The following SENP7 variants were observed in gnomAD, a reference collection of about 807,000 sequenced individuals.
The protein encoded by SENP7 is SUMO specific peptidase 7, also known as sentrin-specific protease 7.
A neutral mutation model predicts 141.2 loss-of-function variants in SENP7; 64 were observed. The observed-to-expected ratio is 0.45, with a 90% CI of 0.37 to 0.56. SENP7 has a LOEUF of 0.56. SENP7 is among the 20% of genes least tolerant of loss of function. SENP7 has a pLI of 0.00. For synonymous variants in SENP7, 382 were observed against 426.4 expected, an observed-to-expected ratio of 0.90 and a Z score of 1.28; for missense variants, 1,025 against 1,212.2, an observed-to-expected ratio of 0.85 and a Z score of 2.29.
At chr3:101,410,508 T>C (rs66862741) in intron 5 of SENP7, among the ~76,000 whole-genome samples, 60,374 of 151,986 alleles carry the variant, frequency 0.4, 12,509 homozygotes, top group Admixed American at 0.54. Context: ...ACTGCAAAAA[T>C]GTGGAACTAA....
intron 4 of SENP7, among the ~76,000 whole-genome samples, chr3:101,445,986 C>T (rs142002139): frequency 6.6e-6 from 1 of 152,260 alleles, no homozygotes; most frequent in Admixed American, 6.5e-5. Flanking sequence ...TGTCCCCACC[C>T]AAATCTCATG....
intron 6 of SENP7, among the ~76,000 whole-genome samples, chr3:101,382,827 C>T (rs2060541907): frequency 6.6e-6 from 1 of 152,080 alleles, no homozygotes; most frequent in African/African-American, 2.4e-5. Flanking sequence ...GAATTAAACA[C>T]TAACATATTT....
rs544454839 is a variant in SENP7, at chr3:101,475,664, A to G, written c.187-16612T>C. 7.2e-5 allele frequency among the ~76,000 whole-genome samples: 11 copies of G among 152,310 alleles called. No individual in the cohort carries two copies. In the East Asian group the frequency reaches 1.2e-3, roughly 16 times the overall value. On this transcript the variant is annotated intron_variant, in intron 3 of 23. Transcript: ENST00000394095. The stretch of plus-strand genomic sequence containing the variant: ...ATGGCACACGTTTACCTATTTAACA[A>G]ATCTGCACATCCTGCACGTATACCC...
In SENP7 at chr3:101,372,088, G is replaced by T; in HGVS notation, c.716C>A (p.Ala239Glu). 6.4e-7 allele frequency: 1 copy of T among 1,567,352 alleles called. No homozygotes were observed. The highest frequency in any genetic ancestry group is 8.7e-7 in the Non-Finnish European group (1 of 1,149,604). ...QRSKTVDDNS[A>E]KQTAHNKEKR... ...TTCTTTATTGTGCGCAGTCTGCTTT[G>T]CAGAATTGTCATCTACTGTCTTACT... The change falls in exon 7 of 24, where the codon GCA becomes GAA. Residue 239 changes from alanine (A) to glutamate (E), a missense_variant. Transcript: ENST00000394095.
At chr3:101,414,313 T>C in intron 5 of SENP7, 1 of 747,788 alleles carries the variant, frequency 1.3e-6, no homozygotes, top group East Asian at 2.4e-5. Flanking sequence ...GGGTCTCATG[T>C]TCCGGTGCAG....
At chr3:101,396,611 G>A (rs1377827971) in intron 6 of SENP7, among the ~76,000 whole-genome samples, 1 of 151,824 alleles carries the variant, frequency 6.6e-6, no homozygotes, top group Non-Finnish European at 1.5e-5. Context: ...AGGTACATAG[G>A]GCATTCAAAA....
intron 11 of SENP7, among the ~76,000 whole-genome samples, chr3:101,356,382 A>C (rs949632151): frequency 6.6e-5 from 10 of 152,194 alleles, no homozygotes; most frequent in Admixed American, 2.6e-4. Flanking sequence ...AATAGGAATA[A>C]AATAACAGCA....
At chr3:101,380,443 C>CACA (rs767226656) in intron 6 of SENP7, among the ~76,000 whole-genome samples, 2 of 94,204 alleles carry the variant, frequency 2.1e-5, no homozygotes, top group African/African-American at 6.8e-5. Context: ...CCGCCCCCCC[C>CACA]CCCACACACA....
chr3:101,450,195 G>C (rs2063072854), intron 4 of SENP7, among the ~76,000 whole-genome samples: 1 of 152,060 alleles, frequency 6.6e-6, no homozygotes, highest in African/African-American at 2.4e-5. Flanking sequence ...AACACAGGAG[G>C]ACCCAGATTC....
rs1349580364 is a variant in SENP7, at chr3:101,340,087, G to A, written c.2357+8C>T. 6.4e-7 allele frequency: 1 copy of A among 1,565,192 alleles called. No homozygotes were observed. The highest frequency in any genetic ancestry group is 2.3e-5 in the East Asian group (1 of 42,912). Reference sequence around the variant, plus strand: ...AAAATATGTAGGATCATTTATCATTGTACTTACTTAAGGTAAAAATCAATG... The same window carrying A: ...AAAATATGTAGGATCATTTATCATTATACTTACTTAAGGTAAAAATCAATG... On this transcript the variant is annotated splice_region_variant and intron_variant, in intron 16 of 23. Coordinates refer to ENST00000394095, the MANE Select transcript of SENP7 (RefSeq NM_020654.5).
intron 5 of SENP7, among the ~76,000 whole-genome samples, chr3:101,410,491 A>G (rs2061424566): frequency 6.6e-6 from 1 of 152,342 alleles, no homozygotes; most frequent in Non-Finnish European, 1.5e-5. Flanking sequence ...TAGGAGCACA[A>G]TTCACAACTG....
chr3:101,411,551 A>G (rs971068280), intron 5 of SENP7, among the ~76,000 whole-genome samples: 4 of 152,180 alleles, frequency 2.6e-5, no homozygotes, highest in African/African-American at 9.7e-5. Flanking sequence ...AAGAACACAA[A>G]TCTATAAACT....
At chr3:101,476,934 T>A (rs2064242655) in intron 3 of SENP7, among the ~76,000 whole-genome samples, 1 of 152,356 alleles carries the variant, frequency 6.6e-6, no homozygotes, top group South Asian at 2.1e-4. Context: ...TCGCCCACTT[T>A]TTGATGGGGT....
At chr3:101,444,267 A>C (rs2062796631) in intron 4 of SENP7, among the ~76,000 whole-genome samples, 1 of 145,526 alleles carries the variant, frequency 6.9e-6, no homozygotes, top group African/African-American at 2.5e-5. Flanking sequence ...GATGTGGAGA[A>C]ATAGGAACAC....
At chr3:101,384,123 A>C (rs1014549580) in intron 6 of SENP7, among the ~76,000 whole-genome samples, 4 of 152,234 alleles carry the variant, frequency 2.6e-5, no homozygotes, top group Non-Finnish European at 5.9e-5. Flanking sequence ...TATACTCGAC[A>C]GGATCACCTG....
At chr3:101,430,995 C>T (rs1020198618) in intron 4 of SENP7, among the ~76,000 whole-genome samples, 9 of 152,092 alleles carry the variant, frequency 5.9e-5, no homozygotes, top group Non-Finnish European at 1.0e-4. Flanking sequence ...GCAGTATGAG[C>T]GGGTTTCTTA....
chr3:101,414,554 A>T, intron 5 of SENP7: 1 of 1,604,154 alleles, frequency 6.2e-7, no homozygotes, highest in Non-Finnish European at 8.5e-7. Flanking sequence ...TGTGTGACCA[A>T]GTGTGTGGAT....
At chr3:101,478,654 A>T (rs942316857) in intron 3 of SENP7, among the ~76,000 whole-genome samples, 1 of 152,226 alleles carries the variant, frequency 6.6e-6, no homozygotes, top group Non-Finnish European at 1.5e-5. Context: ...AACTATTCCA[A>T]ACAATAGAAG....
chr3:101,367,956 C>T lies in SENP7; in HGVS notation c.852G>A (p.Lys284=), dbSNP rs1278712342. 2 of 1,613,024 alleles carry T rather than the reference C, an allele frequency of 1.2e-6. No individual in the cohort carries two copies. Among genetic ancestry groups the T allele is most frequent in the Non-Finnish European group, 1.7e-6 (2 of 1,179,472 alleles). ...CDHLEQESRN[K]DVKYSDSKVE... ...CTTTTGAATCAGAATATTTAACATC[C>T]TTGTTTCTGCTTTCCTGTTCGAGAT... Residue 284 remains lysine (K), a synonymous_variant, in exon 8 of 24, where the codon AAG becomes AAA. Coordinates refer to ENST00000394095, the MANE Select transcript of SENP7 (RefSeq NM_020654.5).
Sources: allele counts gnomAD v4.1 joint callset (sites outside exome capture counted in the v4.1 genomes callset), GRCh38; gene constraint gnomAD v4.1.1; transcripts MANE v1.5; gene names NCBI Gene and HGNC (gene_info 2026-07-23, HGNC 2026-07-21).